CDCA5: variants seen among roughly 807,000 people sequenced by gnomAD.
The protein encoded by CDCA5 is sororin.
Under a neutral mutation model 25.7 loss-of-function variants are expected in CDCA5, and 14 were observed. The observed-to-expected ratio is 0.54, with a 90% CI of 0.36 to 0.85. The LOEUF is 0.85. CDCA5 is among the 40% of genes least tolerant of loss of function. CDCA5 has a pLI of 0.01. For missense variants in CDCA5, 307 were observed against 324.5 expected, an observed-to-expected ratio of 0.95 and a Z score of 0.41; for synonymous variants, 127 against 128.7, an observed-to-expected ratio of 0.99 and a Z score of 0.09.
In CDCA5 at chr11:65,082,387, G is replaced by A. The variant is rs72932826; in HGVS notation, c.243+977C>T. Among the ~76,000 whole-genome samples the A allele has an allele frequency of 2.5e-3, 379 of 151,248 alleles. 3 individuals are homozygous for A. The highest frequency in any genetic ancestry group is 6.5e-3 in the South Asian group (31 of 4,790). ...GACACTAAACAAATTGCTATTCCCC[G>A]AACCTTGATTTTTCTTTAAATTCCC... On this transcript the variant is annotated intron_variant, in intron 4 of 5. Coordinates refer to ENST00000275517, the MANE Select transcript of CDCA5 (RefSeq NM_080668.4).
downstream of CDCA5, among the ~76,000 whole-genome samples, chr11:65,074,959 G>A (rs1362225580): frequency 6.6e-6 from 1 of 151,122 alleles, no homozygotes; most frequent in African/African-American, 2.4e-5. Flanking sequence ...CTACTCAGGA[G>A]GCTGAGGCAG....
At chr11:65,063,805 G>A (rs1000798737), downstream of CDCA5, among the ~76,000 whole-genome samples, 1 of 152,198 alleles carries the variant, frequency 6.6e-6, no homozygotes, top group Non-Finnish European at 1.5e-5. Context: ...GGAGAAATGT[G>A]TGTGAATGAA....
At position 65,066,396 on chromosome 11, in the gene CDCA5, GC is replaced by G; in HGVS notation, c.640del (p.Ala214ProfsTer?). 1.6e-6 allele frequency: 2 copies of G among 1,225,426 alleles called. No individual in the cohort carries two copies. The highest frequency in any genetic ancestry group is 2.1e-6 in the Non-Finnish European group (2 of 955,044). 75.9% of individuals were successfully genotyped at this position (1,225,426 alleles called of 1,614,324 possible). A position where few individuals can be genotyped will look rare whatever the true frequency, so the allele number is the denominator to read the frequency against. On this transcript the variant is annotated frameshift_variant, in exon 7 of 7. Coordinates refer to the CDCA5 transcript ENST00000525464. LOFTEE classifies it low-confidence loss of function (END_TRUNC). ...GACCTCTGGCCTGGGGCCTGGCCAG[GC>G]CTGACCCTGGTCTCTGTGGTCGTGG...
At chr11:65,083,250 GTT>G (rs1947611565) in intron 4 of CDCA5, 112 bp downstream of exon 4, 34 of 1,244,986 alleles carry the variant, frequency 2.7e-5, no homozygotes, top group Non-Finnish European at 3.6e-5. Flanking sequence ...CAGGCAAACT[GTT>G]TTTGCAGTAC....
intron 1 of CDCA5, among the ~76,000 whole-genome samples, chr11:65,072,018 G>C (rs1947352193): frequency 6.6e-6 from 1 of 152,228 alleles, no homozygotes; most frequent in Admixed American, 6.5e-5. Flanking sequence ...TGAATGTTGA[G>C]AAGGTACAAA....
At chr11:65,066,978 T>A (rs781398862) in intron 4 of CDCA5, 96 of 794,298 alleles carry the variant, frequency 1.2e-4, no homozygotes, top group Middle Eastern at 3.2e-4. Flanking sequence ...CCTGGTCCTA[T>A]AGCCACCTGG....
chr11:65,081,301 G>A (rs892716750), intron 4 of CDCA5, among the ~76,000 whole-genome samples: 3 of 138,616 alleles, frequency 2.2e-5, no homozygotes, highest in Non-Finnish European at 4.7e-5. Context: ...GGTAGCAGGT[G>A]CCTGTAAGCC....
chr11:65,064,955 A>G (rs985872354), downstream of CDCA5, among the ~76,000 whole-genome samples: 1 of 152,172 alleles, frequency 6.6e-6, no homozygotes, highest in African/African-American at 2.4e-5. Context: ...CTAATCAAGC[A>G]CTTCATCAGT....
At chr11:65,075,586 A>C (rs1403495018), downstream of CDCA5, among the ~76,000 whole-genome samples, 1 of 151,964 alleles carries the variant, frequency 6.6e-6, no homozygotes, top group East Asian at 1.9e-4. Flanking sequence ...GGCTGGCCAC[A>C]TGGGGTGAAG....
At chr11:65,061,646 G>A (rs968404334), downstream of CDCA5, among the ~76,000 whole-genome samples, 28 of 151,650 alleles carry the variant, frequency 1.8e-4, no homozygotes, top group Non-Finnish European at 2.8e-4. Flanking sequence ...GTGGTGGCGG[G>A]CACCTGTAGT....
At chr11:65,074,258 A>C (rs1187999287), downstream of CDCA5, among the ~76,000 whole-genome samples, 2 of 152,152 alleles carry the variant, frequency 1.3e-5, no homozygotes, top group East Asian at 3.9e-4. Flanking sequence ...TTGTTAGTAG[A>C]GATGGGGTTT....
intron 2 of CDCA5, chr11:65,068,454 C>T (rs1471807062): frequency 9.2e-6 from 11 of 1,195,732 alleles, no homozygotes; most frequent in Non-Finnish European, 1.2e-5. Flanking sequence ...CTCCCCTGCC[C>T]ACTGCCTTAG....
intron 1 of CDCA5, among the ~76,000 whole-genome samples, chr11:65,069,317 C>T (rs1399164678): frequency 6.6e-6 from 1 of 150,590 alleles, no homozygotes; most frequent in Non-Finnish European, 1.5e-5. Context: ...TCTTGTGCAT[C>T]TACTGGCCAA....
In CDCA5 at chr11:65,077,453, T is replaced by G; in HGVS notation, c.*1654A>C. 1.0e-6 allele frequency: 1 copy of G among 985,430 alleles called. No individual in the cohort carries two copies. Among genetic ancestry groups the G allele is most frequent in the African/African-American group, 1.7e-5 (1 of 57,358 alleles). 61.0% of individuals were successfully genotyped at this position (985,430 alleles called of 1,614,324 possible). ...GACTCAATAAAAGAAACACAGTCCA[T>G]GAACAGGCAGAAACTCTTTAATCAG... On this transcript the variant is annotated 3_prime_UTR_variant, in exon 6 of 6. Coordinates refer to ENST00000275517, the MANE Select transcript of CDCA5 (RefSeq NM_080668.4).
At chr11:65,073,837 G>T (rs1947388127), downstream of CDCA5, among the ~76,000 whole-genome samples, 1 of 152,238 alleles carries the variant, frequency 6.6e-6, no homozygotes, top group African/African-American at 2.4e-5. Context: ...AGGGCCTGCA[G>T]ATGGACAAAC....
In CDCA5 at chr11:65,079,401, TGG is replaced by T; in HGVS notation, c.628_629del (p.Pro210ThrfsTer8). On this transcript the variant is annotated frameshift_variant, in exon 5 of 6. Coordinates refer to ENST00000275517, the MANE Select transcript of CDCA5 (RefSeq NM_080668.4). LOFTEE classifies it high-confidence loss of function. ...TCTTACGTTTCTGTTTCTCGGGTGGTGGGGAGATTCCAGGGAGAGTCATGTCT... is the reference window on the plus strand; with the variant it reads ...TCTTACGTTTCTGTTTCTCGGGTGGTGGAGATTCCAGGGAGAGTCATGTCT... The part of the protein sequence containing the change: ...APDMTLPGIS[P>X]PPEKQKRKKK... 6.2e-7 allele frequency: 1 copy of T among 1,613,964 alleles called. No homozygotes were observed. Among genetic ancestry groups the T allele is most frequent in the South Asian group, 1.1e-5 (1 of 91,050 alleles).
chr11:65,080,039 C>A (rs892921219), intron 4 of CDCA5, among the ~76,000 whole-genome samples: 1 of 151,906 alleles, frequency 6.6e-6, no homozygotes, highest in Non-Finnish European at 1.5e-5. Context: ...TACAGGCGCC[C>A]GCCACCTCGC....
chr11:65,075,779 T>C (rs1947432874), downstream of CDCA5, among the ~76,000 whole-genome samples: 1 of 152,128 alleles, frequency 6.6e-6, no homozygotes, highest in African/African-American at 2.4e-5. Context: ...GAGATAAAGA[T>C]GGACAAGTCT....
downstream of CDCA5, among the ~76,000 whole-genome samples, chr11:65,061,777 G>GAAAAAAA (rs781316054): frequency 2.5e-5 from 2 of 81,532 alleles, no homozygotes; most frequent in African/African-American, 4.0e-5. Flanking sequence ...TCCGTCTCAA[G>GAAAAAAA]AAAAAAAAAA....
Sources: gnomAD v4.1 joint callset for allele counts (sites outside exome capture counted in the v4.1 genomes callset) on GRCh38, gnomAD v4.1.1 for gene constraint, MANE v1.5 for transcripts, NCBI Gene and HGNC (gene_info 2026-07-23, HGNC 2026-07-21) for gene names.